ZNF664: variants seen among roughly 807,000 people sequenced by gnomAD.
ZNF664 encodes zinc finger protein 664, also known as zinc finger Organ of Corti 1.
Under a neutral mutation model 18.2 loss-of-function variants are expected in ZNF664, and 10 were observed. The observed-to-expected ratio is 0.55, with a 90% CI of 0.34 to 0.93. ZNF664 has a LOEUF of 0.93. Among genes scored for constraint, ZNF664 ranks in the 40% least tolerant of loss-of-function variants. ZNF664 has a pLI of 0.02. For synonymous variants in ZNF664, 119 were observed against 104.2 expected, an observed-to-expected ratio of 1.14 and a Z score of -0.86; for missense variants, 193 against 319.0, an observed-to-expected ratio of 0.61 and a Z score of 3.01.
chr12:123,976,824 C>T (rs994535722), intron 2 of ZNF664, among the ~76,000 whole-genome samples: 5 of 151,994 alleles, frequency 3.3e-5, no homozygotes, highest in African/African-American at 1.2e-4. Flanking sequence ...CAGTGGCTCA[C>T]ACCTGTAATC....
intron 2 of ZNF664, among the ~76,000 whole-genome samples, chr12:123,980,704 A>G (rs1956754267): frequency 6.6e-6 from 1 of 152,220 alleles, no homozygotes; most frequent in Non-Finnish European, 1.5e-5. Flanking sequence ...AACGCCCCAA[A>G]AAAAGTCCCA....
At chr12:123,973,512 G>A (rs12822427) in intron 1 of ZNF664, 160 bp downstream of exon 1, 5 of 433,382 alleles carry the variant, frequency 1.2e-5, no homozygotes, top group Non-Finnish European at 1.5e-5. Flanking sequence ...GGCGGGGAAG[G>A]TCAGAGCGGC....
chr12:124,008,465 G>A (rs1436700179), intron 3 of ZNF664, among the ~76,000 whole-genome samples: 1 of 152,158 alleles, frequency 6.6e-6, no homozygotes, highest in Non-Finnish European at 1.5e-5. Flanking sequence ...CCTTCCAGCC[G>A]CTTTTTTCAC....
intron 3 of ZNF664, among the ~76,000 whole-genome samples, chr12:123,992,365 T>TA (rs922133578): frequency 6.6e-6 from 1 of 152,118 alleles, no homozygotes; most frequent in Non-Finnish European, 1.5e-5. Flanking sequence ...GCATCAGAAG[T>TA]GATGTAAAAT....
At chr12:124,011,235 C>T in intron 3 of ZNF664, 146 bp from the exon 4 acceptor site, 1 of 947,076 alleles carries the variant, frequency 1.1e-6, no homozygotes, top group Non-Finnish European at 1.3e-6. Flanking sequence ...TTTTCATACT[C>T]ACATGTAGGT....
At chr12:123,990,805 G>A (rs868395643) in intron 3 of ZNF664, among the ~76,000 whole-genome samples, 7 of 151,954 alleles carry the variant, frequency 4.6e-5, no homozygotes, top group African/African-American at 1.7e-4. Context: ...CAGAGTGCAG[G>A]AAAGTGGGTT....
In ZNF664 at chr12:124,012,881, A is replaced by G. The variant is rs758155585; in HGVS notation, c.737A>G (p.Gln246Arg). ...FSQSTSLCIH[Q>R]RVHTKERNHL... The stretch of plus-strand genomic sequence containing the variant: ...CAGAGTACGAGCCTCTGCATCCACC[A>G]GAGAGTCCACACAAAGGAGAGAAAC... The change falls in exon 5 of 5, where the codon CAG becomes CGG. Residue 246 changes from glutamine (Q) to arginine (R), a missense_variant. Transcript: ENST00000337815. The G allele has an allele frequency of 3.1e-6, 5 of 1,614,106 alleles. No individual in the cohort carries two copies. In the African/African-American group the frequency reaches 6.7e-5, roughly 22 times the overall value.
At chr12:123,974,295 C>T in intron 2 of ZNF664, 1 of 356,704 alleles carries the variant, frequency 2.8e-6, no homozygotes, top group Non-Finnish European at 5.0e-6. Context: ...GTTCTGGTTG[C>T]TAGATTGCTT....
At chr12:123,992,595 G>A (rs994376828) in intron 3 of ZNF664, among the ~76,000 whole-genome samples, 1 of 152,208 alleles carries the variant, frequency 6.6e-6, no homozygotes, top group Non-Finnish European at 1.5e-5. Flanking sequence ...AATGCTGGCT[G>A]CTACTTGAGC....
At chr12:123,995,762 A>G (rs1202693473) in intron 3 of ZNF664, among the ~76,000 whole-genome samples, 1 of 152,222 alleles carries the variant, frequency 6.6e-6, no homozygotes, top group Non-Finnish European at 1.5e-5. Context: ...GGGTGCTGTC[A>G]CTAGCACATG....
In ZNF664 at chr12:124,012,888, C is replaced by G. The variant is rs993333764; in HGVS notation, c.744C>G (p.Val248=). 5 of 1,614,062 alleles carry G rather than the reference C, an allele frequency of 3.1e-6. No homozygotes were observed. Among genetic ancestry groups the G allele is most frequent in the Non-Finnish European group, 4.2e-6 (5 of 1,180,036 alleles). The change falls in exon 5 of 5, where the codon GTC becomes GTG. Residue 248 remains valine (V), a synonymous_variant. Transcript: ENST00000337815. ...CGAGCCTCTGCATCCACCAGAGAGT[C>G]CACACAAAGGAGAGAAACCATCTCA... is the stretch of plus-strand genomic sequence containing the variant. The part of the protein sequence containing the change: ...QSTSLCIHQR[V]HTKERNHLKI...
Position 124,012,772 on chromosome 12 carries a change from C to G in ZNF664, c.628C>G (p.Gln210Glu), listed in dbSNP as rs1229122901. ...RCCGCGKAFS[Q>E]SSSLCIHQRV... Reference sequence around the variant, plus strand: ...TTGTGGATGTGGGAAGGCCTTCAGTCAGAGTTCGAGCCTGTGCATCCACCA... The same window carrying G: ...TTGTGGATGTGGGAAGGCCTTCAGTGAGAGTTCGAGCCTGTGCATCCACCA... Residue 210 changes from glutamine (Q) to glutamate (E), a missense_variant, in exon 5 of 5, where the codon CAG becomes GAG. Gln to Glu is a conservative substitution (Grantham distance 29). Coordinates refer to ENST00000337815, the MANE Select transcript of ZNF664 (RefSeq NM_152437.3). 1 of 1,612,836 alleles carries G rather than the reference C, an allele frequency of 6.2e-7. No individual in the cohort carries two copies.
In ZNF664 at chr12:124,011,975, A is replaced by G; in HGVS notation, c.-170A>G. The G allele has an allele frequency of 7.0e-7, 1 of 1,429,106 alleles. No individual in the cohort carries two copies. Among genetic ancestry groups the G allele is most frequent in the Non-Finnish European group, 9.1e-7 (1 of 1,100,416 alleles). 88.5% of individuals were successfully genotyped at this position (1,429,106 alleles called of 1,614,324 possible). On this transcript the variant is annotated 5_prime_UTR_variant, in exon 5 of 5. Coordinates refer to ENST00000337815, the MANE Select transcript of ZNF664 (RefSeq NM_152437.3). ...CACTATGCAGGAAGAAACCTTCCGTAGAAAGACAGGCAGGGAAAAGCTTAG... is the reference window on the plus strand; with the variant it reads ...CACTATGCAGGAAGAAACCTTCCGTGGAAAGACAGGCAGGGAAAAGCTTAG...
chr12:123,987,643 T>C (rs939275058), intron 2 of ZNF664, among the ~76,000 whole-genome samples: 1 of 152,210 alleles, frequency 6.6e-6, no homozygotes, highest in Non-Finnish European at 1.5e-5. Context: ...TTCAGTACCC[T>C]GAGAGACTGG....
intron 3 of ZNF664, among the ~76,000 whole-genome samples, chr12:124,010,915 A>C (rs928034369): frequency 6.6e-6 from 1 of 152,248 alleles, no homozygotes; most frequent in African/African-American, 2.4e-5. Flanking sequence ...GCCCTGAGGC[A>C]GGAAACGCTT....
At chr12:123,978,667 T>A (rs189342997) in intron 2 of ZNF664, among the ~76,000 whole-genome samples, 1 of 152,286 alleles carries the variant, frequency 6.6e-6, no homozygotes, top group East Asian at 1.9e-4. Flanking sequence ...CTTCTAAAAC[T>A]CTTTTATAGG....
chr12:123,997,885 T>A (rs1364583911), intron 3 of ZNF664: 1 of 152,312 alleles, frequency 6.6e-6, no homozygotes, highest in East Asian at 1.9e-4. Context: ...TGTTGATTTA[T>A]TTTTTGGGCT....
intron 3 of ZNF664, among the ~76,000 whole-genome samples, chr12:123,997,144 AAGGTGAAAT>A: frequency 6.6e-6 from 1 of 152,206 alleles, no homozygotes; most frequent in Non-Finnish European, 1.5e-5. Context: ...GACGTGATTA[AAGGTGAAAT>A]GACTCCGGGT....
intron 3 of ZNF664, among the ~76,000 whole-genome samples, chr12:124,005,443 G>C (rs1957060000): frequency 1.3e-5 from 2 of 150,832 alleles, no homozygotes; most frequent in Admixed American, 1.3e-4. Context: ...AGTTTCCAAA[G>C]TTTGTTACTT....
Sources: allele counts gnomAD v4.1 joint callset (sites outside exome capture counted in the v4.1 genomes callset), GRCh38; gene constraint gnomAD v4.1.1; transcripts MANE v1.5; gene names NCBI Gene and HGNC (gene_info 2026-07-23, HGNC 2026-07-21).